Variants in SNTB1 observed in about 807,000 individuals in gnomAD.
SNTB1 encodes the protein syntrophin beta 1.
A neutral mutation model predicts 48.9 loss-of-function variants in SNTB1; 36 were observed. The ratio of observed to expected loss-of-function variants is 0.74; its 90% CI spans 0.56 to 0.97. The LOEUF (loss-of-function observed/expected upper bound fraction) is 0.97. Ranked by LOEUF, SNTB1 falls within the 50% of genes least tolerant of loss-of-function variation. The pLI is 0.00. For missense variants in SNTB1, 786 were observed against 703.4 expected (o/e 1.12, Z -1.33); for synonymous variants, 299 against 294.6 (o/e 1.01, Z -0.15).
chr8:120,543,093 C>T (rs1168442591), intron 5 of SNTB1, among the ~76,000 whole-genome samples: 6 of 152,156 alleles, frequency 3.9e-5, no homozygotes, highest in African/African-American at 1.4e-4. Flanking sequence ...ATCTGGGATT[C>T]TCACTATGTT....
At chr8:120,643,124 C>G (rs1487988411) in intron 2 of SNTB1, among the ~76,000 whole-genome samples, 2 of 152,152 alleles carry the variant, frequency 1.3e-5, no homozygotes, top group Non-Finnish European at 2.9e-5. Flanking sequence ...CAGGAAGCCT[C>G]AGTTTCTTGC....
intron 2 of SNTB1, among the ~76,000 whole-genome samples, chr8:120,671,770 T>C (rs957118064): frequency 1.3e-5 from 2 of 152,368 alleles, no homozygotes; most frequent in Non-Finnish European, 2.9e-5. Flanking sequence ...AAATAATTAC[T>C]GTCTTAAATT....
chr8:120,566,005 T>A (rs2130673999), intron 4 of SNTB1, among the ~76,000 whole-genome samples: 2 of 152,194 alleles, frequency 1.3e-5, no homozygotes, highest in Middle Eastern at 3.4e-3. Flanking sequence ...GGTCAGGAGT[T>A]CGAGACCAGC....
intron 1 of SNTB1, among the ~76,000 whole-genome samples, chr8:120,760,069 C>T (rs1226936128): frequency 6.6e-6 from 1 of 152,062 alleles, no homozygotes; most frequent in Non-Finnish European, 1.5e-5. Context: ...TGAGAATGGC[C>T]ATGTTTTAAC....
chr8:120,754,523 G>A (rs150221743), intron 1 of SNTB1, among the ~76,000 whole-genome samples: 2 of 152,108 alleles, frequency 1.3e-5, no homozygotes, highest in African/African-American at 2.4e-5. Context: ...TCTAGTTCTG[G>A]GATTGAGATT....
chr8:120,764,645 C>T (rs1819484641), intron 1 of SNTB1, among the ~76,000 whole-genome samples: 1 of 152,288 alleles, frequency 6.6e-6, no homozygotes, highest in South Asian at 2.1e-4. Context: ...TTTCTAAATT[C>T]AACCTCTCAG....
intron 1 of SNTB1, among the ~76,000 whole-genome samples, chr8:120,762,286 G>A (rs184290543): frequency 6.6e-6 from 1 of 152,302 alleles, no homozygotes; most frequent in East Asian, 1.9e-4. Context: ...CACTGACAAA[G>A]GCCCTGCTGT....
Position 120,811,766 on chromosome 8 carries a change from C to T in SNTB1, c.78G>A (p.Leu26=). 1 of 1,530,178 alleles carries T rather than the reference C, an allele frequency of 6.5e-7. No homozygotes were observed. Among genetic ancestry groups the T allele is most frequent in the Non-Finnish European group, 8.8e-7 (1 of 1,141,824 alleles). The allele number at this position is 1,530,178 out of a possible 1,614,324, so 94.8% of individuals were successfully genotyped here. A position where few individuals can be genotyped will look rare whatever the true frequency, so the allele number is the denominator to read the frequency against. Residue 26 remains leucine, a synonymous_variant, in exon 1 of 7, where the codon CTG becomes CTA. Transcript: ENST00000517992. ...GGGRAQRSGL[L]EVLVRDRWHK... ...GCCAGCGATCCCGCACCAAAACTTC[C>T]AGCAGCCCGCTCCGCTGCGCCCGGC...
intron 1 of SNTB1, among the ~76,000 whole-genome samples, chr8:120,712,210 C>A (rs546055447): frequency 1.3e-5 from 2 of 151,930 alleles, no homozygotes; most frequent in African/African-American, 2.4e-5. Context: ...GTCAGGAGAT[C>A]GAGACCATCC....
intron 1 of SNTB1, among the ~76,000 whole-genome samples, chr8:120,713,033 C>T (rs1818491400): frequency 6.6e-6 from 1 of 152,158 alleles, no homozygotes; most frequent in Non-Finnish European, 1.5e-5. Context: ...AATGCATTGA[C>T]TCCATAGTGG....
At chr8:120,571,357 G>T in intron 4 of SNTB1, 1 of 1,287,534 alleles carries the variant, frequency 7.8e-7, no homozygotes, top group Non-Finnish European at 1.0e-6. Flanking sequence ...AATGTTCACG[G>T]ATGAGGACTG....
At chr8:120,677,063 CAA>C (rs11398062) in intron 2 of SNTB1, among the ~76,000 whole-genome samples, 22 of 129,738 alleles carry the variant, frequency 1.7e-4, no homozygotes, top group African/African-American at 4.1e-4. Flanking sequence ...GACCCTATCT[CAA>C]AAAAAAAAAA....
At chr8:120,705,061 T>C (rs1244606389) in intron 1 of SNTB1, among the ~76,000 whole-genome samples, 2 of 152,210 alleles carry the variant, frequency 1.3e-5, no homozygotes, top group Non-Finnish European at 2.9e-5. Flanking sequence ...CCTGAAGTTC[T>C]AACAGGTTAG....
chr8:120,804,409 T>C (rs1294628952), intron 1 of SNTB1, among the ~76,000 whole-genome samples: 1 of 152,102 alleles, frequency 6.6e-6, no homozygotes, highest in East Asian at 1.9e-4. Flanking sequence ...ATACCCTACC[T>C]CCTCAATTAC....
chr8:120,600,071 A>G (rs1816398768), intron 3 of SNTB1, among the ~76,000 whole-genome samples: 1 of 152,208 alleles, frequency 6.6e-6, no homozygotes, highest in African/African-American at 2.4e-5. Context: ...CCTCTTCTTT[A>G]TCTGTTTACC....
intron 3 of SNTB1, among the ~76,000 whole-genome samples, chr8:120,592,065 G>A (rs1263383467): frequency 2.0e-5 from 3 of 152,042 alleles, no homozygotes; most frequent in Non-Finnish European, 2.9e-5. Flanking sequence ...CATGAAGAAA[G>A]CTAAATCACC....
At chr8:120,807,256 T>G (rs1438419583) in intron 1 of SNTB1, among the ~76,000 whole-genome samples, 1 of 152,240 alleles carries the variant, frequency 6.6e-6, no homozygotes, top group Non-Finnish European at 1.5e-5. Context: ...TTCAAATTAC[T>G]ATTTTACTAT....
At chr8:120,597,068 T>C (rs570370116) in intron 3 of SNTB1, among the ~76,000 whole-genome samples, 1 of 152,256 alleles carries the variant, frequency 6.6e-6, no homozygotes, top group Admixed American at 6.5e-5. Context: ...GGATGAGCCC[T>C]AAATGCAATC....
At chr8:120,726,856 A>T (rs765908315) in intron 1 of SNTB1, among the ~76,000 whole-genome samples, 6 of 152,326 alleles carry the variant, frequency 3.9e-5, no homozygotes, top group African/African-American at 2.4e-5. Flanking sequence ...TGGAATGCTG[A>T]CAAGAAAGCA....
Sources: allele counts gnomAD v4.1 joint callset (sites outside exome capture counted in the v4.1 genomes callset), GRCh38; gene constraint gnomAD v4.1.1; transcripts MANE v1.5; gene names NCBI Gene and HGNC (gene_info 2026-07-23, HGNC 2026-07-21).